CNTNAP2: variants seen among roughly 807,000 people sequenced by gnomAD.
CNTNAP2 encodes the protein contactin-associated protein-like 2.
A neutral mutation model predicts 155.2 loss-of-function variants in CNTNAP2; 98 were observed. The observed-to-expected ratio is 0.63, with a 90% CI of 0.54 to 0.75. The LOEUF is 0.75. Ranked by LOEUF, CNTNAP2 falls within the 30% of genes least tolerant of loss-of-function variation. The pLI is 0.00. For synonymous variants in CNTNAP2, 651 were observed against 631.2 expected (o/e 1.03, Z -0.47); for missense variants, 1,727 against 1,688.1 (o/e 1.02, Z -0.40).
At chr7:147,660,953 G>GC (rs1456110471) in intron 13 of CNTNAP2, among the ~76,000 whole-genome samples, 1 of 152,030 alleles carries the variant, frequency 6.6e-6, no homozygotes, top group Non-Finnish European at 1.5e-5. Context: ...GAATTCTCAT[G>GC]CCCCCCTATT....
At chr7:146,448,346 T>C (rs1252125056) in intron 1 of CNTNAP2, among the ~76,000 whole-genome samples, 7 of 152,026 alleles carry the variant, frequency 4.6e-5, no homozygotes, top group African/African-American at 1.7e-4. Flanking sequence ...GCTCAAAATA[T>C]TTCCCCTATA....
intron 3 of CNTNAP2, among the ~76,000 whole-genome samples, chr7:146,976,304 A>G (rs1797909187): frequency 6.6e-6 from 1 of 152,154 alleles, no homozygotes; most frequent in Admixed American, 6.5e-5. Context: ...CCTCCAGCCC[A>G]GTTGCATTCT....
At chr7:148,273,720 A>G (rs1327371689) in intron 21 of CNTNAP2, among the ~76,000 whole-genome samples, 1 of 152,152 alleles carries the variant, frequency 6.6e-6, no homozygotes, top group African/African-American at 2.4e-5. Flanking sequence ...GGTAAAAATA[A>G]AGCGAACTTC....
chr7:147,360,509 C>T (rs943958518), intron 9 of CNTNAP2, among the ~76,000 whole-genome samples: 14 of 151,974 alleles, frequency 9.2e-5, no homozygotes, highest in African/African-American at 3.1e-4. Flanking sequence ...GTAATTGATA[C>T]CATTGGCTTA....
chr7:147,494,931 T>C (rs1483812882), intron 11 of CNTNAP2, among the ~76,000 whole-genome samples: 1 of 152,188 alleles, frequency 6.6e-6, no homozygotes, highest in Non-Finnish European at 1.5e-5. Flanking sequence ...CTTTAGCTTT[T>C]GAAACTTGGT....
chr7:146,481,698 C>G (rs1229615698), intron 1 of CNTNAP2, among the ~76,000 whole-genome samples: 1 of 152,102 alleles, frequency 6.6e-6, no homozygotes, highest in Non-Finnish European at 1.5e-5. Context: ...ATTAATTATC[C>G]TTAGCTCCTT....
At chr7:148,068,075 C>A (rs573168077) in intron 15 of CNTNAP2, among the ~76,000 whole-genome samples, 2 of 152,274 alleles carry the variant, frequency 1.3e-5, no homozygotes, top group African/African-American at 4.8e-5. Context: ...ACAAGCCTCC[C>A]AGCTGAGAAA....
At chr7:147,495,669 T>G (rs201570241) in intron 11 of CNTNAP2, among the ~76,000 whole-genome samples, 2 of 152,308 alleles carry the variant, frequency 1.3e-5, no homozygotes, top group East Asian at 3.9e-4. Flanking sequence ...GAATCATGGG[T>G]GAAGCTGGCC....
intron 8 of CNTNAP2, among the ~76,000 whole-genome samples, chr7:147,225,904 AAAG>A (rs1803527056): frequency 7.9e-6 from 1 of 126,160 alleles, no homozygotes; most frequent in Non-Finnish European, 1.8e-5. Context: ...GGAAGGAAGG[AAAG>A]AAGGAAGGAA....
intron 17 of CNTNAP2, among the ~76,000 whole-genome samples, chr7:148,171,420 T>C (rs1469401662): frequency 8.5e-5 from 13 of 152,218 alleles, no homozygotes; most frequent in Admixed American, 8.5e-4. Flanking sequence ...TACCAGCTGC[T>C]TTAAAAAGAT....
intron 1 of CNTNAP2, among the ~76,000 whole-genome samples, chr7:146,390,975 G>GGCACGGTGGCACGTGCCTGT (rs1314084174): frequency 1.1e-4 from 9 of 84,358 alleles, no homozygotes; most frequent in Admixed American, 6.3e-4. Flanking sequence ...GCTGAGGCAG[G>GGCACGGTGGCACGTGCCTGT]AGAATTGCTT....
At chr7:147,408,050 A>G (rs1417715856) in intron 10 of CNTNAP2, among the ~76,000 whole-genome samples, 2 of 152,244 alleles carry the variant, frequency 1.3e-5, no homozygotes, top group Non-Finnish European at 1.5e-5. Context: ...CATTCATTCT[A>G]CAATGTTTCA....
At chr7:147,762,507 T>A (rs775205743) in intron 13 of CNTNAP2, among the ~76,000 whole-genome samples, 60 of 151,582 alleles carry the variant, frequency 4.0e-4, no homozygotes, top group Non-Finnish European at 4.9e-4. Context: ...TACTGGGAAG[T>A]CCTAACTAGA....
At chr7:146,845,497 A>T (rs1361877804) in intron 3 of CNTNAP2, among the ~76,000 whole-genome samples, 1 of 152,182 alleles carries the variant, frequency 6.6e-6, no homozygotes, top group Non-Finnish European at 1.5e-5. Context: ...AGCTATTAAG[A>T]TTAGAAACAT....
At chr7:147,498,772 CA>C (rs1798757333) in intron 11 of CNTNAP2, among the ~76,000 whole-genome samples, 1 of 152,064 alleles carries the variant, frequency 6.6e-6, no homozygotes, top group African/African-American at 2.4e-5. Context: ...GATTTCAGTT[CA>C]CATTCAAAGT....
intron 13 of CNTNAP2, among the ~76,000 whole-genome samples, chr7:147,760,139 A>T (rs899781354): frequency 2.6e-5 from 4 of 152,108 alleles, no homozygotes; most frequent in Non-Finnish European, 5.9e-5. Flanking sequence ...CTTTTTTAAA[A>T]ATGTGTGTGC....
chr7:146,673,373 C>G lies in CNTNAP2; in HGVS notation c.98-100898C>G, dbSNP rs547506443. On this transcript the variant is annotated intron_variant, in intron 1 of 23. Transcript: ENST00000361727. ...AAGAAACACTTAAAATATATTAGAA[C>G]TATTTACATTCTATATATAATAGTT... Among the ~76,000 whole-genome samples, 6 of 152,250 alleles carry G rather than the reference C, an allele frequency of 3.9e-5. No individual in the cohort carries two copies. The East Asian group carries it at 1.2e-3, about 29-fold the overall frequency.
At chr7:148,134,356 T>C (rs1480183460) in intron 16 of CNTNAP2, among the ~76,000 whole-genome samples, 4 of 152,202 alleles carry the variant, frequency 2.6e-5, no homozygotes, top group Admixed American at 2.6e-4. Context: ...TGAATTATGC[T>C]CATCCTGCAT....
chr7:148,056,971 T>C (rs1425246121), intron 15 of CNTNAP2, among the ~76,000 whole-genome samples: 2 of 152,196 alleles, frequency 1.3e-5, no homozygotes, highest in Admixed American at 1.3e-4. Flanking sequence ...TCAGACTTTA[T>C]AGACAAACAG....
Sources: allele counts gnomAD v4.1 joint callset (sites outside exome capture counted in the v4.1 genomes callset), GRCh38; gene constraint gnomAD v4.1.1; transcripts MANE v1.5; gene names NCBI Gene and HGNC (gene_info 2026-07-23, HGNC 2026-07-21).